ABCF2: variants seen among roughly 807,000 people sequenced by gnomAD.
ABCF2 encodes ATP-binding cassette sub-family F member 2.
Under a neutral mutation model 76.9 loss-of-function variants are expected in ABCF2, and 37 were observed. The ratio of observed to expected loss-of-function variants is 0.48; its 90% CI spans 0.37 to 0.63. The LOEUF is 0.63. ABCF2 is among the 30% of genes least tolerant of loss of function. ABCF2 has a pLI of 0.00. For missense variants in ABCF2, 524 were observed against 782.1 expected, an observed-to-expected ratio of 0.67 and a Z score of 3.94; for synonymous variants, 299 against 283.7, an observed-to-expected ratio of 1.05 and a Z score of -0.54.
chr7:151,221,945 G>GT (rs1642030947), intron 6 of ABCF2: 1 of 414,640 alleles, frequency 2.4e-6, no homozygotes, highest in Non-Finnish European at 4.5e-6. Context: ...GGTAGTAACA[G>GT]TGATAGTAAC....
intron 7 of ABCF2, among the ~76,000 whole-genome samples, chr7:151,220,623 T>C (rs1223021209): frequency 6.6e-6 from 1 of 152,150 alleles, no homozygotes; most frequent in Non-Finnish European, 1.5e-5. Flanking sequence ...CTGACCCCCA[T>C]TCTCCTGTGG....
In ABCF2 at chr7:151,213,244, A is replaced by G; in HGVS notation, c.*810T>C. On this transcript the variant is annotated 3_prime_UTR_variant, in exon 15 of 15. Coordinates refer to ENST00000287844, the MANE Select transcript of ABCF2 (RefSeq NM_007189.3). Reference sequence around the variant, plus strand: ...GGTCTCCCCCAAAACCTATTGAACCAGAAACGCTGAGGCGAGATCTGGCAA... The same window carrying G: ...GGTCTCCCCCAAAACCTATTGAACCGGAAACGCTGAGGCGAGATCTGGCAA... The G allele has an allele frequency of 1.0e-6, 1 of 977,930 alleles. No homozygotes were observed. The highest frequency in any genetic ancestry group is 1.2e-6 in the Non-Finnish European group (1 of 823,136). 60.6% of individuals were successfully genotyped at this position (977,930 alleles called of 1,614,324 possible). A position where few individuals can be genotyped will look rare whatever the true frequency, so the allele number is the denominator to read the frequency against.
Position 151,213,443 on chromosome 7 carries a change from G to A in ABCF2, c.*611C>T. ...TGACGCTGGATCCAGCTCCTGCTGTGGGCAGTGCATGTTGGCACTGCAGGG... is the reference window on the plus strand; with the variant it reads ...TGACGCTGGATCCAGCTCCTGCTGTAGGCAGTGCATGTTGGCACTGCAGGG... On this transcript the variant is annotated 3_prime_UTR_variant, in exon 15 of 15. Coordinates refer to ENST00000287844, the MANE Select transcript of ABCF2 (RefSeq NM_007189.3). The A allele has an allele frequency of 1.0e-6, 1 of 985,512 alleles. No individual in the cohort carries two copies. Among genetic ancestry groups the A allele is most frequent in the Non-Finnish European group, 1.2e-6 (1 of 830,004 alleles). 61.0% of individuals were successfully genotyped at this position (985,512 alleles called of 1,614,324 possible).
chr7:151,212,000 A>G lies in ABCF2; in HGVS notation c.*2054T>C. The G allele has an allele frequency of 1.0e-6, 1 of 968,114 alleles. No individual in the cohort carries two copies. The highest frequency in any genetic ancestry group is 1.2e-6 in the Non-Finnish European group (1 of 814,156). The allele number at this position is 968,114 out of a possible 1,614,324, so 60.0% of individuals were successfully genotyped here. Reference sequence around the variant, plus strand: ...CCACCTTTCTGGGCAGCTACTCACAAGAAATTTCCCTCCTTTTTGAATACT... The same window carrying G: ...CCACCTTTCTGGGCAGCTACTCACAGGAAATTTCCCTCCTTTTTGAATACT... On this transcript the variant is annotated 3_prime_UTR_variant, in exon 15 of 15. Transcript: ENST00000287844.
At position 151,215,163 on chromosome 7, in the gene ABCF2, G is replaced by A; in HGVS notation, c.1531-81C>T. 7.6e-7 allele frequency: 1 copy of A among 1,313,476 alleles called. No homozygotes were observed. The highest frequency in any genetic ancestry group is 1.1e-6 in the Non-Finnish European group (1 of 933,238). The allele number at this position is 1,313,476 out of a possible 1,614,324, so 81.4% of individuals were successfully genotyped here. A position where few individuals can be genotyped will look rare whatever the true frequency, so the allele number is the denominator to read the frequency against. On this transcript the variant is annotated intron_variant, in intron 13 of 14. Transcript: ENST00000287844. The surrounding 1 kb of genome is among the most constrained non-coding windows in gnomAD (Gnocchi z 4.6). ...GCTCATCTCTCCCTCATTTCTCCCT[G>A]ACTCCTCCATTAGCATCGCCATTTA...
chr7:151,221,262 T>G (rs1376598899), intron 7 of ABCF2, among the ~76,000 whole-genome samples: 1 of 151,162 alleles, frequency 6.6e-6, no homozygotes, highest in Admixed American at 6.6e-5. Context: ...TGCAGTGGTG[T>G]GATCTCAGCT....
chr7:151,224,812 C>T lies in ABCF2; in HGVS notation c.331G>A (p.Gly111Ser), dbSNP rs1802340588. Residue 111 changes from glycine (G) to serine (S), a missense_variant, in exon 3 of 15, where the codon GGC (glycine) becomes AGC (serine). Around this residue, in one of 2 missense-constraint regions of ABCF2, gnomAD observed 330 missense variants for 433.6 expected, o/e 0.76. Coordinates refer to ENST00000287844, the MANE Select transcript of ABCF2 (RefSeq NM_007189.3). Reference protein sequence around the residue: ...LSDTKLELNSGRRYGLIGLNG... With the variant: ...LSDTKLELNSSRRYGLIGLNG... ...AAACCAATGAGGCCATAACGACGGC[C>T]TGAGTTTAATTCCAGTTTGGTGTCA... The T allele has an allele frequency of 1.2e-6, 2 of 1,614,210 alleles. No homozygotes were observed. Among genetic ancestry groups the T allele is most frequent in the East Asian group, 4.5e-5 (2 of 44,886 alleles).
intron 5 of ABCF2, 127 bp from the exon 6 acceptor site, chr7:151,222,743 G>A (rs7812088): frequency 0.1 from 65,934 of 657,252 alleles, 3,848 homozygotes; most frequent in Non-Finnish European, 0.12. Flanking sequence ...ATCAATTTTA[G>A]GCTCTATACC....
Position 151,215,462 on chromosome 7 carries a change from A to G in ABCF2, c.1530+142T>C. ...TAACAACCTAGAGTAAAGAAAAGGTAGTAGGTTCTTAGGGGAGTCAAATGG... is the reference window on the plus strand; with the variant it reads ...TAACAACCTAGAGTAAAGAAAAGGTGGTAGGTTCTTAGGGGAGTCAAATGG... On this transcript the variant is annotated intron_variant, in intron 13 of 14. Transcript: ENST00000287844. This position sits in a 1 kb window ranked among gnomAD's most constrained non-coding sequence, Gnocchi z 4.6. 9.9e-7 allele frequency: 1 copy of G among 1,010,072 alleles called. No homozygotes were observed. The highest frequency in any genetic ancestry group is 1.6e-5 in the African/African-American group (1 of 62,154). The allele number at this position is 1,010,072 out of a possible 1,614,324, so 62.6% of individuals were successfully genotyped here.
rs778207709 is a variant in ABCF2 at position 151,215,124 on chromosome 7, C to T, written c.1531-42G>A. The T allele has an allele frequency of 1.4e-5, 22 of 1,539,220 alleles. No homozygotes were observed. The highest frequency in any genetic ancestry group is 1.2e-4 in the African/African-American group (9 of 73,216). On this transcript the variant is annotated intron_variant, in intron 13 of 14. Coordinates refer to ENST00000287844, the MANE Select transcript of ABCF2 (RefSeq NM_007189.3). This position sits in a 1 kb window ranked among gnomAD's most constrained non-coding sequence, Gnocchi z 4.6. ...CCTACATATAACTTGGCATTATCCCCGCCAAACAGCACAGCTCATCTCTCC... is the reference window on the plus strand; with the variant it reads ...CCTACATATAACTTGGCATTATCCCTGCCAAACAGCACAGCTCATCTCTCC...
At chr7:151,222,674 A>G in intron 5 of ABCF2, 58 bp from the exon 6 acceptor site, 1 of 1,450,834 alleles carries the variant, frequency 6.9e-7, no homozygotes, top group East Asian at 2.3e-5. Context: ...GTGACACAGG[A>G]CGGGACAAAC....
chr7:151,222,483 G>A, intron 6 of ABCF2, 38 bp downstream of exon 6: 1 of 1,550,438 alleles, frequency 6.4e-7, no homozygotes, highest in Non-Finnish European at 8.9e-7. Context: ...TCCCCCTTTG[G>A]GACCTGCCCG....
chr7:151,221,733 A>ACTTTCAGTTCACCTGTTGT, intron 6 of ABCF2, 53 bp from the exon 7 acceptor site: 1 of 1,333,540 alleles, frequency 7.5e-7, no homozygotes, highest in Non-Finnish European at 1.1e-6. Context: ...GAGCTAGCTG[A>ACTTTCAGTTCACCTGTTGT]CAACAGGTGA....
At chr7:151,218,908 A>T (rs1312607439) in intron 8 of ABCF2, 35 bp from the exon 9 acceptor site, 1 of 1,611,740 alleles carries the variant, frequency 6.2e-7, no homozygotes, top group African/African-American at 1.3e-5. Flanking sequence ...GAGTATGTGC[A>T]GGCGCTCAAC....
chr7:151,219,302 T>A lies in ABCF2; in HGVS notation c.922-143A>T, dbSNP rs993453531. ...GTGCAGTAAGAAGAGAGGACGTGCATTACAGAAGCATATCCTAACATCAAA... is the reference window on the plus strand; with the variant it reads ...GTGCAGTAAGAAGAGAGGACGTGCAATACAGAAGCATATCCTAACATCAAA... On this transcript the variant is annotated intron_variant, in intron 7 of 14. Coordinates refer to ENST00000287844, the MANE Select transcript of ABCF2 (RefSeq NM_007189.3). 4 of 718,908 alleles carry A rather than the reference T, an allele frequency of 5.6e-6. No homozygotes were observed. In the Admixed American group the frequency reaches 6.0e-5, roughly 11 times the overall value. 44.5% of individuals were successfully genotyped at this position (718,908 alleles called of 1,614,324 possible).
intron 2 of ABCF2, among the ~76,000 whole-genome samples, chr7:151,225,742 C>T (rs767820351): frequency 4.6e-5 from 7 of 152,272 alleles, no homozygotes; most frequent in East Asian, 1.9e-4. Flanking sequence ...TAGTCTTTAC[C>T]GCATATGGCC....
Position 151,211,749 on chromosome 7 carries a change from C to A in ABCF2, c.*2305G>T, listed in dbSNP as rs912098413. ...TCTCCAGATGCCATTCTCCCCTGAA[C>A]CAAGGCTCTGGACTCTCAGGACAGA... On this transcript the variant is annotated 3_prime_UTR_variant, in exon 15 of 15. Coordinates refer to ENST00000287844, the MANE Select transcript of ABCF2 (RefSeq NM_007189.3). The A allele has an allele frequency of 9.1e-6, 9 of 985,280 alleles. No individual in the cohort carries two copies. In the African/African-American group the frequency reaches 1.6e-4, roughly 17 times the overall value. The allele number at this position is 985,280 out of a possible 1,614,324, so 61.0% of individuals were successfully genotyped here.
chr7:151,226,185 T>C, intron 2 of ABCF2, 120 bp downstream of exon 2: 1 of 1,195,100 alleles, frequency 8.4e-7, no homozygotes, highest in Non-Finnish European at 1.2e-6. Flanking sequence ...TGATTCATCA[T>C]GAAAAGTTGC....
At chr7:151,221,204 T>A (rs1269313368) in intron 7 of ABCF2, among the ~76,000 whole-genome samples, 1 of 137,398 alleles carries the variant, frequency 7.3e-6, no homozygotes. Context: ...TAGGTCTGCT[T>A]TTTTTTTTTT....
Sources: gnomAD v4.1 joint callset for allele counts (sites outside exome capture counted in the v4.1 genomes callset) on GRCh38, gnomAD v4.1.1 for gene constraint, gnomAD v4.1.1 regional missense constraint, Gnocchi (gnomAD v3.1) non-coding constraint, MANE v1.5 for transcripts, NCBI Gene and HGNC (gene_info 2026-07-23, HGNC 2026-07-21) for gene names.